Variants in MPP7 observed in about 807,000 individuals in gnomAD.
MPP7 encodes MAGUK p55 scaffold protein 7.
MPP7 carries 60 observed loss-of-function variants against 76.5 expected under a neutral mutation model. That is an observed-to-expected ratio of 0.78 (90% CI 0.64 to 0.97). The LOEUF (loss-of-function observed/expected upper bound fraction) is 0.97, where lower values mean the gene tolerates loss of function less well. Ranked by LOEUF, MPP7 falls within the 50% of genes least tolerant of loss-of-function variation. MPP7 has a pLI of 0.00. For synonymous variants in MPP7, 237 were observed against 244.5 expected, an observed-to-expected ratio of 0.97 and a Z score of 0.29; for missense variants, 641 against 694.0, an observed-to-expected ratio of 0.92 and a Z score of 0.86.
chr10:28,322,643 G>A (rs1834378649), intron 2 of MPP7, among the ~76,000 whole-genome samples: 1 of 152,082 alleles, frequency 6.6e-6, no homozygotes, highest in Admixed American at 6.6e-5. Context: ...GCTCTCTAGA[G>A]CACAGCCACA....
At chr10:28,312,442 G>A (rs1393031415) in intron 2 of MPP7, among the ~76,000 whole-genome samples, 3 of 152,090 alleles carry the variant, frequency 2.0e-5, no homozygotes, top group South Asian at 2.1e-4. Flanking sequence ...TGATTGGTGC[G>A]TTTTACAATC....
At chr10:28,271,849 C>T (rs748993989) in intron 1 of MPP7, among the ~76,000 whole-genome samples, 2 of 152,078 alleles carry the variant, frequency 1.3e-5, no homozygotes. Context: ...GTGGCACGTG[C>T]CTGGAGTCTC....
At chr10:28,212,516 GACTGCTCTGGACTGAAAACTT>G (rs2134024673) in intron 2 of MPP7, among the ~76,000 whole-genome samples, 1 of 152,320 alleles carries the variant, frequency 6.6e-6, no homozygotes, top group Admixed American at 6.5e-5. Context: ...CAGGTCACCA[GACTGCTCTGGACTGAAAACTT>G]AATCCCTGGG....
At chr10:28,148,999 C>T (rs989754599) in intron 4 of MPP7, among the ~76,000 whole-genome samples, 1 of 152,094 alleles carries the variant, frequency 6.6e-6, no homozygotes, top group Non-Finnish European at 1.5e-5. Flanking sequence ...TAAATATATA[C>T]TGAAACATAC....
At chr10:28,169,052 C>G (rs1406735051) in intron 3 of MPP7, among the ~76,000 whole-genome samples, 1 of 152,142 alleles carries the variant, frequency 6.6e-6, no homozygotes, top group Non-Finnish European at 1.5e-5. Context: ...CCTGTCTACT[C>G]CCATGCCAAT....
At chr10:28,301,869 A>G (rs774853168) in intron 1 of MPP7, among the ~76,000 whole-genome samples, 2 of 152,198 alleles carry the variant, frequency 1.3e-5, no homozygotes, top group Non-Finnish European at 2.9e-5. Context: ...GACCTTCATC[A>G]ATTCACTTGT....
intron 11 of MPP7, among the ~76,000 whole-genome samples, chr10:28,101,019 A>C (rs189886047): frequency 6.6e-6 from 1 of 152,236 alleles, no homozygotes; most frequent in East Asian, 1.9e-4. Context: ...ATTGTATATA[A>C]AAATATGGTT....
chr10:28,053,969 T>C lies in MPP7; in HGVS notation c.*96A>G, dbSNP rs1411806526. On this transcript the variant is annotated 3_prime_UTR_variant, in exon 17 of 17. Coordinates refer to ENST00000683449, the MANE Select transcript of MPP7 (RefSeq NM_001318170.2). ...AACTTGAACCAAGATTGTACATCTA[T>C]GACAGTGATATAGATTTAAAAACCC... is the stretch of plus-strand genomic sequence containing the variant. 1.1e-6 allele frequency: 1 copy of C among 899,654 alleles called. No individual in the cohort carries two copies. The highest frequency in any genetic ancestry group is 1.8e-6 in the Non-Finnish European group (1 of 559,764). 55.7% of individuals were successfully genotyped at this position (899,654 alleles called of 1,614,324 possible). A position where few individuals can be genotyped will look rare whatever the true frequency, so the allele number is the denominator to read the frequency against.
intron 1 of MPP7, among the ~76,000 whole-genome samples, chr10:28,299,340 G>A (rs7916711): frequency 0.093 from 14,181 of 152,170 alleles, 1,310 homozygotes; most frequent in East Asian, 0.48. Flanking sequence ...TTGTGTCTCA[G>A]GGAATAGGGA....
intron 1 of MPP7, among the ~76,000 whole-genome samples, chr10:28,290,352 T>C (rs1233099372): frequency 6.7e-6 from 1 of 148,822 alleles, no homozygotes; most frequent in Non-Finnish European, 1.5e-5. Flanking sequence ...GGAAAGAGTA[T>C]AATACTACAA....
At chr10:28,197,181 C>CTT (rs11330044) in intron 3 of MPP7, among the ~76,000 whole-genome samples, 13 of 115,216 alleles carry the variant, frequency 1.1e-4, no homozygotes, top group Non-Finnish European at 1.2e-4. Context: ...GAGCAACTTC[C>CTT]TTTTTTTTTT....
At chr10:28,193,115 C>G (rs148849002) in intron 3 of MPP7, among the ~76,000 whole-genome samples, 1 of 151,924 alleles carries the variant, frequency 6.6e-6, no homozygotes, top group Non-Finnish European at 1.5e-5. Flanking sequence ...TAAATGTAAA[C>G]GCAAAACTGT....
At chr10:28,289,784 G>T (rs1840870219) in intron 1 of MPP7, among the ~76,000 whole-genome samples, 1 of 152,098 alleles carries the variant, frequency 6.6e-6, no homozygotes, top group South Asian at 2.1e-4. Flanking sequence ...GACAGATAAT[G>T]ATTTACTTCT....
intron 2 of MPP7, among the ~76,000 whole-genome samples, chr10:28,320,641 C>T (rs919079327): frequency 1.3e-5 from 2 of 152,006 alleles, no homozygotes; most frequent in African/African-American, 2.4e-5. Flanking sequence ...CACTACACAT[C>T]GTTTCATATC....
At chr10:28,087,635 ATCC>A (rs921673418) in intron 12 of MPP7, among the ~76,000 whole-genome samples, 7 of 152,150 alleles carry the variant, frequency 4.6e-5, no homozygotes, top group Non-Finnish European at 1.0e-4. Flanking sequence ...ACCTCAAGTG[ATCC>A]TCCTGGCTTA....
intron 1 of MPP7, among the ~76,000 whole-genome samples, chr10:28,295,718 T>A (rs1274117881): frequency 6.6e-6 from 1 of 152,176 alleles, no homozygotes; most frequent in Non-Finnish European, 1.5e-5. Flanking sequence ...GCAAAAGGGG[T>A]TAACGTTATC....
At chr10:28,065,790 G>A (rs1019149290) in intron 13 of MPP7, among the ~76,000 whole-genome samples, 1 of 152,128 alleles carries the variant, frequency 6.6e-6, no homozygotes. Flanking sequence ...GAACATGGAT[G>A]CTTTAAAACC....
chr10:28,143,473 T>C (rs751746538), intron 5 of MPP7, among the ~76,000 whole-genome samples: 8 of 152,118 alleles, frequency 5.3e-5, no homozygotes, highest in South Asian at 2.1e-4. Flanking sequence ...AGGACAGATA[T>C]CATAAATCAT....
At chr10:28,297,600 G>A (rs1281603201) in intron 1 of MPP7, among the ~76,000 whole-genome samples, 1 of 152,226 alleles carries the variant, frequency 6.6e-6, no homozygotes, top group African/African-American at 2.4e-5. Flanking sequence ...TCAGGAGGCT[G>A]AGACAGGAGA....
Sources: allele counts gnomAD v4.1 joint callset (sites outside exome capture counted in the v4.1 genomes callset), GRCh38; gene constraint gnomAD v4.1.1; transcripts MANE v1.5; gene names NCBI Gene and HGNC (gene_info 2026-07-23, HGNC 2026-07-21).